Variants in CFAP70 observed in about 807,000 individuals in gnomAD.
CFAP70 encodes cilia- and flagella-associated protein 70.
CFAP70 carries 81 observed loss-of-function variants against 137.6 expected under a neutral mutation model. That is an observed-to-expected ratio of 0.59 (90% CI 0.49 to 0.71). The LOEUF (loss-of-function observed/expected upper bound fraction) is 0.71. CFAP70 is among the 30% of genes least tolerant of loss of function. The pLI is 0.00. For synonymous variants in CFAP70, 382 were observed against 423.6 expected, an observed-to-expected ratio of 0.90 and a Z score of 1.20; for missense variants, 976 against 1,226.7, an observed-to-expected ratio of 0.80 and a Z score of 3.05.
intron 21 of CFAP70, 167 bp downstream of exon 22, chr10:73,277,073 G>C: frequency 1.3e-6 from 1 of 758,938 alleles, no homozygotes; most frequent in Non-Finnish European, 2.0e-6. Context: ...CATGTGCAAA[G>C]AGTGGTTCAT....
intron 15 of CFAP70, chr10:73,294,426 C>T (rs1277901898): frequency 1.3e-5 from 2 of 152,298 alleles, no homozygotes; most frequent in Non-Finnish European, 2.9e-5. Flanking sequence ...TGTCCTTCTC[C>T]TGCATTTGTC....
At chr10:73,327,934 A>G (rs1452859731) in intron 8 of CFAP70, among the ~76,000 whole-genome samples, 1 of 152,190 alleles carries the variant, frequency 6.6e-6, no homozygotes, top group African/African-American at 2.4e-5. Flanking sequence ...TACAGATTCA[A>G]TGCCATCCCC....
chr10:73,289,472 G>T (rs2048000977), intron 19 of CFAP70, among the ~76,000 whole-genome samples: 2 of 151,810 alleles, frequency 1.3e-5, no homozygotes, highest in African/African-American at 4.8e-5. Context: ...TTTTGGTAGA[G>T]ACAGGGTTTC....
At chr10:73,274,296 T>A in intron 23 of CFAP70, 137 bp downstream of exon 24, 1 of 996,824 alleles carries the variant, frequency 1.0e-6, no homozygotes, top group Non-Finnish European at 1.4e-6. Context: ...TGTCTGATGT[T>A]GGGCAAGTCA....
At chr10:73,312,769 G>A (rs2050023718) in intron 9 of CFAP70, 126 bp from the exon 11 acceptor site, 5 of 856,160 alleles carry the variant, frequency 5.8e-6, no homozygotes, top group African/African-American at 1.7e-5. Context: ...AGAGAGAGAA[G>A]GGACTTGAAA....
At chr10:73,331,221 G>A (rs376260900) in exon 8 of CFAP70, 13 of 1,613,332 alleles carry the variant, frequency 8.1e-6, no homozygotes, top group South Asian at 1.1e-5. Flanking sequence ...GTGACCAGAG[G>A]AACTCTTGTG....
chr10:73,358,972 T>C (rs1417881821), upstream of CFAP70: 1 of 152,258 alleles, frequency 6.6e-6, no homozygotes, highest in Non-Finnish European at 1.5e-5. Flanking sequence ...TTTCCACCTT[T>C]ACATTTTGCT....
chr10:73,316,460 TGA>T (rs2050342993), intron 9 of CFAP70, among the ~76,000 whole-genome samples: 1 of 134,562 alleles, frequency 7.4e-6, no homozygotes, highest in Non-Finnish European at 1.5e-5. Context: ...ATTCCTTTGT[TGA>T]GATATATATA....
intron 9 of CFAP70, among the ~76,000 whole-genome samples, chr10:73,317,213 G>A (rs536221657): frequency 1.3e-5 from 2 of 152,090 alleles, no homozygotes; most frequent in South Asian, 4.2e-4. Flanking sequence ...ATACAGGGTT[G>A]CATCATGTTG....
chr10:73,313,001 A>C (rs1457323562), intron 9 of CFAP70, among the ~76,000 whole-genome samples: 1 of 152,136 alleles, frequency 6.6e-6, no homozygotes, highest in Non-Finnish European at 1.5e-5. Flanking sequence ...TGGCAGGAGG[A>C]TTGTGTGAGC....
intron 12 of CFAP70, among the ~76,000 whole-genome samples, chr10:73,308,992 T>C (rs2049666678): frequency 6.6e-6 from 1 of 152,228 alleles, no homozygotes; most frequent in Admixed American, 6.5e-5. Context: ...GGGGGCACAC[T>C]ATGCCCAAAG....
chr10:73,304,130 C>G (rs1220829334), intron 12 of CFAP70, among the ~76,000 whole-genome samples: 1 of 151,834 alleles, frequency 6.6e-6, no homozygotes, highest in East Asian at 1.9e-4. Context: ...GATCTCAGCT[C>G]ACTGCAACCT....
intron 5 of CFAP70, among the ~76,000 whole-genome samples, chr10:73,343,329 G>A (rs573983924): frequency 2.6e-5 from 4 of 152,112 alleles, no homozygotes; most frequent in African/African-American, 4.8e-5. Flanking sequence ...CCCAGGAAAT[G>A]TCAGACCCAG....
chr10:73,359,159 G>A (rs1483923369), upstream of CFAP70, among the ~76,000 whole-genome samples: 1 of 152,160 alleles, frequency 6.6e-6, no homozygotes, highest in Admixed American at 6.5e-5. Flanking sequence ...AGTGCAAAAT[G>A]ACCCTGCTTC....
At chr10:73,270,497 TCCCTTCCCTTCCCCTCCCCTC>T (rs2046187816) in intron 24 of CFAP70, among the ~76,000 whole-genome samples, 1 of 3,474 alleles carries the variant, frequency 2.9e-4, no homozygotes. Flanking sequence ...TTCTTTTCCT[TCCCTTCCCTTCCCCTCCCCTC>T]CCCTCCCCCT....
intron 14 of CFAP70, among the ~76,000 whole-genome samples, chr10:73,297,665 G>C (rs1250413259): frequency 2.0e-5 from 3 of 152,158 alleles, no homozygotes; most frequent in African/African-American, 7.2e-5. Context: ...AGATGATTGA[G>C]AAGCCAAAGA....
At chr10:73,332,475 G>T (rs1041215552) in intron 7 of CFAP70, among the ~76,000 whole-genome samples, 1 of 152,152 alleles carries the variant, frequency 6.6e-6, no homozygotes, top group Non-Finnish European at 1.5e-5. Flanking sequence ...ACTCCAACCT[G>T]TCTAGCTTCC....
intron 3 of CFAP70, 59 bp downstream of exon 3, chr10:73,353,497 C>A: frequency 6.9e-7 from 1 of 1,450,782 alleles, no homozygotes; most frequent in South Asian, 1.2e-5. Context: ...CTTTTCCCAT[C>A]CAACATGATA....
In CFAP70 at chr10:73,275,746, T is replaced by C; in HGVS notation, c.2521-148A>G. 2 of 704,640 alleles carry C rather than the reference T, an allele frequency of 2.8e-6. No homozygotes were observed. The highest frequency in any genetic ancestry group is 4.3e-6 in the Non-Finnish European group (2 of 465,198). 43.6% of individuals were successfully genotyped at this position (704,640 alleles called of 1,614,324 possible). ...CAACTTCAAAAGGTAAAGGGTGAAT[T>C]ACAAACATTCTGCACTTCATAGTTC... On this transcript the variant is annotated intron_variant, in intron 21 of 26. Coordinates refer to ENST00000310715, the Ensembl canonical transcript of CFAP70. The surrounding 1 kb of genome is among the most constrained non-coding windows in gnomAD (Gnocchi z 4.0).
Sources: allele counts gnomAD v4.1 joint callset (sites outside exome capture counted in the v4.1 genomes callset), GRCh38; gene constraint gnomAD v4.1.1; non-coding constraint Gnocchi (gnomAD v3.1); transcripts MANE v1.5; gene names NCBI Gene and HGNC (gene_info 2026-07-23, HGNC 2026-07-21).